The following NRCAM variants were observed in gnomAD, a reference collection of about 807,000 sequenced individuals.
The protein encoded by NRCAM is NgCAM-related cell adhesion molecule.
NRCAM carries 83 observed loss-of-function variants against 156.5 expected under a neutral mutation model. The observed-to-expected ratio is 0.53, with a 90% CI of 0.44 to 0.64. The LOEUF (loss-of-function observed/expected upper bound fraction) is 0.64. Among genes scored for constraint, NRCAM ranks in the 30% least tolerant of loss-of-function variants. The probability of loss-of-function intolerance (pLI) is 0.00; values close to 1 mark genes in which losing one functional copy is unlikely to be tolerated. For synonymous variants in NRCAM, 538 were observed against 563.9 expected (o/e 0.95, Z 0.65); for missense variants, 1,417 against 1,597.3 (o/e 0.89, Z 1.92).
At chr7:108,395,601 C>T (rs2099774598) in intron 2 of NRCAM, among the ~76,000 whole-genome samples, 1 of 152,212 alleles carries the variant, frequency 6.6e-6, no homozygotes, top group Non-Finnish European at 1.5e-5. Context: ...CCCATGCCTT[C>T]CACTTCCCAA....
At chr7:108,177,653 A>ACGTG (rs1363804486) in intron 26 of NRCAM, among the ~76,000 whole-genome samples, 50 of 16,386 alleles carry the variant, frequency 3.1e-3, no homozygotes, top group African/African-American at 5.2e-3. Context: ...ATATATATAT[A>ACGTG]TATATATGTA....
chr7:108,202,103 G>A (rs1352985929), intron 13 of NRCAM, among the ~76,000 whole-genome samples: 1 of 152,068 alleles, frequency 6.6e-6, no homozygotes, highest in Non-Finnish European at 1.5e-5. Context: ...ATTAATTCTA[G>A]GAATAACCAA....
chr7:108,190,799 C>T (rs1196962373), intron 19 of NRCAM, among the ~76,000 whole-genome samples: 2 of 152,132 alleles, frequency 1.3e-5, no homozygotes, highest in Non-Finnish European at 2.9e-5. Flanking sequence ...TTGTTCTAAA[C>T]ATCTATTTTT....
At chr7:108,231,242 G>A (rs1487617515) in intron 7 of NRCAM, 89 bp from the exon 8 acceptor site, 10 of 885,546 alleles carry the variant, frequency 1.1e-5, no homozygotes, top group South Asian at 6.2e-5. Flanking sequence ...CTGAAGTTTT[G>A]GAGAAATAAT....
chr7:108,249,098 T>C (rs2096169166), intron 3 of NRCAM, among the ~76,000 whole-genome samples: 2 of 152,176 alleles, frequency 1.3e-5, no homozygotes, highest in Admixed American at 6.5e-5. Context: ...AGCATGTGTG[T>C]TGGGGAGGCA....
intron 3 of NRCAM, among the ~76,000 whole-genome samples, chr7:108,262,952 G>T (rs907316676): frequency 6.6e-6 from 1 of 152,222 alleles, no homozygotes; most frequent in African/African-American, 2.4e-5. Context: ...CTAGGCAGAA[G>T]TGCAGAAGCT....
rs1054033172 is a variant in NRCAM, at chr7:108,340,808, T to C, written c.-173-28077A>G. Among the ~76,000 whole-genome samples, 2 of 152,144 alleles carry C rather than the reference T, an allele frequency of 1.3e-5. 1 individual carries two copies. The highest frequency in any genetic ancestry group is 1.3e-4 in the Admixed American group (2 of 15,274). ...CATACCTCTCTGTCACCTGACTCTA[T>C]TGAAGGCCAACTAATCTTAAAGGAT... On this transcript the variant is annotated intron_variant, in intron 2 of 32. Coordinates refer to ENST00000379028, the MANE Select transcript of NRCAM (RefSeq NM_001037132.4).
intron 3 of NRCAM, among the ~76,000 whole-genome samples, chr7:108,265,602 T>C (rs1324071574): frequency 2.0e-5 from 3 of 152,200 alleles, no homozygotes; most frequent in Non-Finnish European, 4.4e-5. Context: ...TCCATCCCTA[T>C]TATAATAGTC....
chr7:108,157,909 G>A (rs981654778), intron 32 of NRCAM, among the ~76,000 whole-genome samples: 1 of 151,944 alleles, frequency 6.6e-6, no homozygotes, highest in African/African-American at 2.4e-5. Flanking sequence ...TTTTTTCAGG[G>A]CCACATTAAA....
intron 1 of NRCAM, among the ~76,000 whole-genome samples, chr7:108,452,430 C>CT (rs1421210700): frequency 6.6e-6 from 1 of 152,060 alleles, no homozygotes; most frequent in Non-Finnish European, 1.5e-5. Context: ...GAAACTTCAG[C>CT]CTTTGATCCC....
At chr7:108,346,821 C>T (rs1284607669) in intron 2 of NRCAM, among the ~76,000 whole-genome samples, 1 of 152,044 alleles carries the variant, frequency 6.6e-6, no homozygotes, top group Non-Finnish European at 1.5e-5. Flanking sequence ...TACATGAGTA[C>T]ATACATGTTT....
intron 9 of NRCAM, 72 bp from the exon 10 acceptor site, chr7:108,225,773 A>T: frequency 3.4e-6 from 3 of 893,564 alleles, no homozygotes; most frequent in Non-Finnish European, 5.7e-6. Flanking sequence ...TGGGCAATAA[A>T]AGCAAACATA....
intron 2 of NRCAM, among the ~76,000 whole-genome samples, chr7:108,379,783 C>A (rs1010126039): frequency 6.6e-6 from 1 of 151,674 alleles, no homozygotes; most frequent in African/African-American, 2.4e-5. Context: ...TTAGACACAG[C>A]TAAAGAGAGT....
intron 28 of NRCAM, among the ~76,000 whole-genome samples, chr7:108,172,604 A>C (rs941200040): frequency 1.3e-5 from 2 of 152,178 alleles, no homozygotes; most frequent in Non-Finnish European, 2.9e-5. Flanking sequence ...CCTCATTTAA[A>C]GAGACATAGA....
At chr7:108,454,082 ATGT>A (rs982444854) in intron 1 of NRCAM, among the ~76,000 whole-genome samples, 3 of 152,224 alleles carry the variant, frequency 2.0e-5, no homozygotes, top group African/African-American at 4.8e-5. Flanking sequence ...TACTAAGAAC[ATGT>A]TGTTCAGTGA....
At chr7:108,381,117 A>C (rs1289487018) in intron 2 of NRCAM, among the ~76,000 whole-genome samples, 1 of 152,114 alleles carries the variant, frequency 6.6e-6, no homozygotes, top group Admixed American at 6.6e-5. Context: ...GACTAATGCC[A>C]TTAAAACTAT....
chr7:108,257,664 A>G (rs2096736130), intron 3 of NRCAM, among the ~76,000 whole-genome samples: 1 of 152,226 alleles, frequency 6.6e-6, no homozygotes, highest in African/African-American at 2.4e-5. Flanking sequence ...CATTTTCATG[A>G]AAAAATTATT....
chr7:108,195,089 A>G (rs908166438), intron 15 of NRCAM, among the ~76,000 whole-genome samples: 10 of 152,084 alleles, frequency 6.6e-5, no homozygotes, highest in African/African-American at 1.9e-4. Context: ...CCCCCACTAT[A>G]CCACAGAATA....
At chr7:108,424,332 A>T (rs546013358) in intron 1 of NRCAM, among the ~76,000 whole-genome samples, 1 of 152,334 alleles carries the variant, frequency 6.6e-6, no homozygotes, top group Admixed American at 6.5e-5. Flanking sequence ...TCAGTAAGAA[A>T]GATGAGGTGC....
Sources: allele counts gnomAD v4.1 joint callset (sites outside exome capture counted in the v4.1 genomes callset), GRCh38; gene constraint gnomAD v4.1.1; transcripts MANE v1.5; gene names NCBI Gene and HGNC (gene_info 2026-07-23, HGNC 2026-07-21).